PIEZO2: variants seen among roughly 807,000 people sequenced by gnomAD.
The protein encoded by PIEZO2 is piezo-type mechanosensitive ion channel component 2.
PIEZO2 carries 172 observed loss-of-function variants against 337.3 expected under a neutral mutation model. That is an observed-to-expected ratio of 0.51 (90% CI 0.45 to 0.58). PIEZO2 has a LOEUF of 0.58. Among genes scored for constraint, PIEZO2 ranks in the 20% least tolerant of loss-of-function variants. The pLI is 0.00. For missense variants in PIEZO2, 3,028 were observed against 3,391.3 expected, an observed-to-expected ratio of 0.89 and a Z score of 2.66; for synonymous variants, 1,251 against 1,228.5, an observed-to-expected ratio of 1.02 and a Z score of -0.38.
rs995975501 is a variant in PIEZO2, at chr18:10,837,371, G to A, written c.917+17982C>T. Among the ~76,000 whole-genome samples the A allele has an allele frequency of 2.6e-5, 4 of 152,178 alleles. No homozygotes were observed. Among genetic ancestry groups the A allele is most frequent in the African/African-American group, 9.7e-5 (4 of 41,446 alleles). On this transcript the variant is annotated intron_variant, in intron 7 of 55. Coordinates refer to ENST00000674853, the MANE Select transcript of PIEZO2 (RefSeq NM_001378183.1). This position sits in a 1 kb window ranked among gnomAD's most constrained non-coding sequence, Gnocchi z 4.4. The stretch of plus-strand genomic sequence containing the variant: ...TCTGAGAATACCTTTTCCAACTGCA[G>A]CCATCTTGCCTCTCTCACCTTCCAT...
In PIEZO2 at chr18:10,672,911, A is replaced by C. The variant is rs373291930; in HGVS notation, c.8162-38T>G. The C allele has an allele frequency of 3.8e-5, 58 of 1,530,380 alleles. 1 individual carries two copies. In the African/African-American group the frequency reaches 6.5e-4, roughly 17 times the overall value. 94.8% of individuals were successfully genotyped at this position (1,530,380 alleles called of 1,614,324 possible). On this transcript the variant is annotated intron_variant, in intron 54 of 55. Coordinates refer to ENST00000674853, the MANE Select transcript of PIEZO2 (RefSeq NM_001378183.1). The surrounding 1 kb of genome is among the most constrained non-coding windows in gnomAD (Gnocchi z 4.7). ...AAATGCAAAATTAAGTTGACATGAG[A>C]ATTTTAGGATTTCATGCACAGCAAC...
chr18:10,909,889 T>C (rs1280506342), intron 4 of PIEZO2, among the ~76,000 whole-genome samples: 4 of 152,210 alleles, frequency 2.6e-5, no homozygotes, highest in African/African-American at 9.6e-5. Flanking sequence ...TTATGAGCAC[T>C]TACTGAGACA....
rs1215513468 is a variant in PIEZO2 at position 11,018,434 on chromosome 18, T to TGTGTGTGTGTGTGTG, written c.161-38775_161-38774insCACACACACACACAC. 4.8e-5 allele frequency among the ~76,000 whole-genome samples: 6 copies of TGTGTGTGTGTGTGTG among 124,996 alleles called. No individual in the cohort carries two copies. In the East Asian group the frequency reaches 1.2e-3, roughly 24 times the overall value. 82.0% of individuals were successfully genotyped at this position (124,996 alleles called of 152,430 possible). On this transcript the variant is annotated intron_variant, in intron 2 of 55. Transcript: ENST00000674853. ...GTGTGTGTGTGTGTGTGTGTGTGTGTTGAAATAAAGGAAGAACATGAGCTT... is the reference window on the plus strand; with the variant it reads ...GTGTGTGTGTGTGTGTGTGTGTGTGTGTGTGTGTGTGTGTGTGAAATAAAGGAAGAACATGAGCTT...
Position 10,773,658 on chromosome 18 carries a change from G to T in PIEZO2, c.2568-29C>A. 2 of 1,531,774 alleles carry T rather than the reference G, an allele frequency of 1.3e-6. No individual in the cohort carries two copies. Among genetic ancestry groups the T allele is most frequent in the Non-Finnish European group, 1.8e-6 (2 of 1,142,120 alleles). 94.9% of individuals were successfully genotyped at this position (1,531,774 alleles called of 1,614,324 possible). A position where few individuals can be genotyped will look rare whatever the true frequency, so the allele number is the denominator to read the frequency against. On this transcript the variant is annotated intron_variant, in intron 19 of 55. Transcript: ENST00000674853. This position sits in a 1 kb window ranked among gnomAD's most constrained non-coding sequence, Gnocchi z 5.3. Reference sequence around the variant, plus strand: ...TTGGCAGAGAGCAGCTGAGTCAGAAGAGGAAAGGGTGTTGGGAGAGATTTG... The same window carrying T: ...TTGGCAGAGAGCAGCTGAGTCAGAATAGGAAAGGGTGTTGGGAGAGATTTG...
At chr18:10,941,634 G>A (rs1044665719) in intron 3 of PIEZO2, among the ~76,000 whole-genome samples, 3 of 152,156 alleles carry the variant, frequency 2.0e-5, no homozygotes, top group Non-Finnish European at 4.4e-5. Context: ...CCAGGAATAA[G>A]AGATGAAAGT....
rs2042656857 is a variant in PIEZO2, at chr18:10,888,011, A to G, written c.330-16596T>C. Among the ~76,000 whole-genome samples, 1 of 152,156 alleles carries G rather than the reference A, an allele frequency of 6.6e-6. No homozygotes were observed. Among genetic ancestry groups the G allele is most frequent in the African/African-American group, 2.4e-5 (1 of 41,428 alleles). On this transcript the variant is annotated intron_variant, in intron 4 of 55. Coordinates refer to ENST00000674853, the MANE Select transcript of PIEZO2 (RefSeq NM_001378183.1). The surrounding 1 kb of genome is among the most constrained non-coding windows in gnomAD (Gnocchi z 4.1). ...TTGTAAGGATATATTCTGAAATTGC[A>G]TCAATGTCCTCTGCCTTATCAAGCT...
At chr18:10,725,573 C>T in intron 36 of PIEZO2, 1 of 1,365,892 alleles carries the variant, frequency 7.3e-7, no homozygotes, top group Non-Finnish European at 9.9e-7. Flanking sequence ...CCCTGTCCCT[C>T]CTGAGGTCGG....
At chr18:10,820,110 T>C (rs1320811353) in intron 7 of PIEZO2, among the ~76,000 whole-genome samples, 1 of 152,196 alleles carries the variant, frequency 6.6e-6, no homozygotes, top group African/African-American at 2.4e-5. Context: ...TTTTTCTCTA[T>C]CACTGATATT....
chr18:10,978,193 G>A (rs2034521960), intron 3 of PIEZO2, among the ~76,000 whole-genome samples: 1 of 152,016 alleles, frequency 6.6e-6, no homozygotes. Flanking sequence ...ATAAATAGCT[G>A]GGCATGGTGG....
At chr18:10,706,114 G>C (rs1052886572) in intron 40 of PIEZO2, among the ~76,000 whole-genome samples, 1 of 152,120 alleles carries the variant, frequency 6.6e-6, no homozygotes, top group Admixed American at 6.5e-5. Flanking sequence ...CTGCTTCAAG[G>C]AGGGGCATCT....
rs1163508121 is a variant in PIEZO2 at position 10,853,181 on chromosome 18, G to A, written c.917+2172C>T. ...AACTCCAGTAAACAGACTACATGCAGCCCCTCCCAAGGGCTGGCAGGCCAC... is the reference window on the plus strand; with the variant it reads ...AACTCCAGTAAACAGACTACATGCAACCCCTCCCAAGGGCTGGCAGGCCAC... On this transcript the variant is annotated intron_variant, in intron 7 of 55. Transcript: ENST00000674853. This position sits in a 1 kb window ranked among gnomAD's most constrained non-coding sequence, Gnocchi z 4.2. Among the ~76,000 whole-genome samples the A allele has an allele frequency of 6.6e-6, 1 of 152,154 alleles. No homozygotes were observed. Among genetic ancestry groups the A allele is most frequent in the Non-Finnish European group, 1.5e-5 (1 of 68,032 alleles).
At chr18:11,019,302 G>C (rs917074162) in intron 2 of PIEZO2, among the ~76,000 whole-genome samples, 1 of 152,134 alleles carries the variant, frequency 6.6e-6, no homozygotes, top group African/African-American at 2.4e-5. Flanking sequence ...ATGCTTTAGG[G>C]CTTCTCCTAG....
chr18:11,058,403 C>A (rs1280188688), intron 2 of PIEZO2, among the ~76,000 whole-genome samples: 3 of 152,182 alleles, frequency 2.0e-5, no homozygotes, highest in African/African-American at 7.2e-5. Context: ...TCCTCACCAG[C>A]AATGGAACAA....
rs2034580894 is a variant in PIEZO2, at chr18:10,979,464, A to G, written c.286+71T>C. On this transcript the variant is annotated intron_variant, in intron 3 of 55. Transcript: ENST00000674853. This position sits in a 1 kb window ranked among gnomAD's most constrained non-coding sequence, Gnocchi z 4.0. ...CATAGATTTCTATGTGTGCGATGAC[A>G]CACAGCTTTATTATGCACGTATATA... The G allele has an allele frequency of 2.3e-6, 3 of 1,306,868 alleles. No homozygotes were observed. Among genetic ancestry groups the G allele is most frequent in the South Asian group, 2.3e-5 (1 of 43,220 alleles). The allele number at this position is 1,306,868 out of a possible 1,614,324, so 81.0% of individuals were successfully genotyped here. A position where few individuals can be genotyped will look rare whatever the true frequency, so the allele number is the denominator to read the frequency against.
At chr18:10,875,341 T>C (rs2042243146) in intron 4 of PIEZO2, among the ~76,000 whole-genome samples, 2 of 152,200 alleles carry the variant, frequency 1.3e-5, no homozygotes, top group Non-Finnish European at 2.9e-5. Flanking sequence ...CAGAGATTCA[T>C]TGTATACTTT....
intron 39 of PIEZO2, among the ~76,000 whole-genome samples, chr18:10,708,645 A>G (rs1417431433): frequency 6.6e-6 from 1 of 152,200 alleles, no homozygotes; most frequent in Non-Finnish European, 1.5e-5. Flanking sequence ...CTGGATTTTA[A>G]AAAACATATT....
intron 3 of PIEZO2, among the ~76,000 whole-genome samples, chr18:10,941,154 T>C (rs192941765): frequency 6.2e-4 from 94 of 151,622 alleles, no homozygotes; most frequent in African/African-American, 2.1e-3. Context: ...AACTAAAAAA[T>C]GAAAAAAAAT....
chr18:10,846,004 T>C lies in PIEZO2; in HGVS notation c.917+9349A>G, dbSNP rs1598573807. On this transcript the variant is annotated intron_variant, in intron 7 of 55. Transcript: ENST00000674853. This position sits in a 1 kb window ranked among gnomAD's most constrained non-coding sequence, Gnocchi z 4.1. ...TGTGGATGGATTGAGGCAGTGGGAG[T>C]GCCGTGGGTGTATGAAGATTGATGA... Among the ~76,000 whole-genome samples, 1 of 152,004 alleles carries C rather than the reference T, an allele frequency of 6.6e-6. No individual in the cohort carries two copies. The highest frequency in any genetic ancestry group is 2.1e-4 in the South Asian group (1 of 4,824).
At chr18:10,734,018 A>G (rs1303566484) in intron 35 of PIEZO2, among the ~76,000 whole-genome samples, 1 of 152,216 alleles carries the variant, frequency 6.6e-6, no homozygotes, top group Non-Finnish European at 1.5e-5. Context: ...GGAGAGCTTT[A>G]TCAAAGTGGA....
Sources: allele counts gnomAD v4.1 joint callset (sites outside exome capture counted in the v4.1 genomes callset), GRCh38; gene constraint gnomAD v4.1.1; non-coding constraint Gnocchi (gnomAD v3.1); transcripts MANE v1.5; gene names NCBI Gene and HGNC (gene_info 2026-07-23, HGNC 2026-07-21).